Variants in SIDT1 observed in about 807,000 individuals in gnomAD.
SIDT1 encodes SID1 transmembrane family member 1, also known as SID1 transmembrane family, member 1.
Under a neutral mutation model 107.5 loss-of-function variants are expected in SIDT1, and 101 were observed. The ratio of observed to expected loss-of-function variants is 0.94; its 90% CI spans 0.80 to 1.11. The LOEUF is 1.11. SIDT1 is among the 50% of genes least tolerant of loss of function. The pLI is 0.00. For missense variants in SIDT1, 1,076 were observed against 1,058.2 expected (o/e 1.02, Z -0.23); for synonymous variants, 395 against 398.2 (o/e 0.99, Z 0.10).
At chr3:113,591,926 T>C (rs957229071) in intron 9 of SIDT1, among the ~76,000 whole-genome samples, 6 of 152,216 alleles carry the variant, frequency 3.9e-5, no homozygotes, top group Non-Finnish European at 7.3e-5. Context: ...CAATGAAATG[T>C]GGTCTATCCG....
the SIDT1 span, among the ~76,000 whole-genome samples, chr3:113,634,702 G>A: frequency 0.011 from 1,705 of 152,184 alleles, 26 homozygotes; most frequent in African/African-American, 0.038. Flanking sequence ...TACTAGGGAG[G>A]CTGAGGCAGG....
At chr3:113,545,810 A>G (rs1174021396) in intron 1 of SIDT1, among the ~76,000 whole-genome samples, 2 of 152,136 alleles carry the variant, frequency 1.3e-5, no homozygotes, top group African/African-American at 4.8e-5. Flanking sequence ...TAAGGCAAGG[A>G]CTCCTGAGTG....
At chr3:113,635,266 C>T in the SIDT1 span, among the ~76,000 whole-genome samples, 2 of 152,190 alleles carry the variant, frequency 1.3e-5, no homozygotes, top group African/African-American at 4.8e-5. Flanking sequence ...GAGGCCAAGG[C>T]AGGAGGACCA....
At chr3:113,592,954 A>T (rs778323156) in intron 9 of SIDT1, 51 bp from the exon 10 acceptor site, 2 of 1,395,616 alleles carry the variant, frequency 1.4e-6, no homozygotes, top group Non-Finnish European at 2.0e-6. Context: ...ACAAATGTAA[A>T]ATGCTGAGGT....
intron 1 of SIDT1, among the ~76,000 whole-genome samples, chr3:113,565,666 G>A (rs537358494): frequency 6.6e-6 from 1 of 152,180 alleles, no homozygotes; most frequent in Non-Finnish European, 1.5e-5. Context: ...AAGACCCATA[G>A]TGTTACTGAT....
intron 1 of SIDT1, among the ~76,000 whole-genome samples, chr3:113,536,513 A>AT (rs1409917063): frequency 1.3e-5 from 2 of 152,120 alleles, no homozygotes; most frequent in Admixed American, 1.3e-4. Flanking sequence ...GCTTGACATT[A>AT]TTTTTCCTGT....
intron 4 of SIDT1, 120 bp from the exon 5 acceptor site, chr3:113,580,488 C>A: frequency 1.5e-6 from 1 of 668,992 alleles, no homozygotes; most frequent in South Asian, 1.7e-5. Flanking sequence ...AGATGAAGAG[C>A]TGACTGAATT....
chr3:113,536,126 G>C (rs905252150), intron 1 of SIDT1, among the ~76,000 whole-genome samples: 1 of 152,158 alleles, frequency 6.6e-6, no homozygotes, highest in East Asian at 1.9e-4. Context: ...AGATAGCGAC[G>C]CTCTCTTTCA....
chr3:113,608,573 C>T (rs771334562), intron 17 of SIDT1, 37 bp downstream of exon 17: 24 of 1,432,742 alleles, frequency 1.7e-5, no homozygotes, highest in Non-Finnish European at 2.4e-5. Flanking sequence ...AGATTTGAAT[C>T]GTCAGTCTTA....
At chr3:113,604,830 A>G in intron 13 of SIDT1, 80 bp from the exon 14 acceptor site, 1 of 1,502,944 alleles carries the variant, frequency 6.7e-7, no homozygotes, top group Non-Finnish European at 9.2e-7. Flanking sequence ...ATGGGGTGGA[A>G]GCATTCTTTT....
At chr3:113,594,190 T>C (rs2107610883) in intron 10 of SIDT1, among the ~76,000 whole-genome samples, 1 of 152,352 alleles carries the variant, frequency 6.6e-6, no homozygotes, top group East Asian at 1.9e-4. Flanking sequence ...GTTTGCTTTT[T>C]TCTTTTTAAT....
chr3:113,572,932 T>C (rs953742160), intron 3 of SIDT1, among the ~76,000 whole-genome samples: 2 of 152,184 alleles, frequency 1.3e-5, no homozygotes, highest in Admixed American at 1.3e-4. Flanking sequence ...ACCATTTTGC[T>C]ATGTGTCATA....
At chr3:113,610,874 A>G in intron 17 of SIDT1, 134 bp from the exon 18 acceptor site, 1 of 1,106,204 alleles carries the variant, frequency 9.0e-7, no homozygotes, top group Non-Finnish European at 1.3e-6. Context: ...AGAGGTCTCC[A>G]CACAGCCTGC....
At chr3:113,578,316 A>T (rs1189403101) in intron 4 of SIDT1, among the ~76,000 whole-genome samples, 1 of 151,810 alleles carries the variant, frequency 6.6e-6, no homozygotes, top group Non-Finnish European at 1.5e-5. Flanking sequence ...AAATACAAAA[A>T]ATTACCCGGG....
At chr3:113,566,166 T>TTC (rs2107347527) in intron 1 of SIDT1, among the ~76,000 whole-genome samples, 1 of 152,256 alleles carries the variant, frequency 6.6e-6, no homozygotes, top group South Asian at 2.1e-4. Context: ...TTTTAAAAAA[T>TTC]TCTCCCCACG....
intron 9 of SIDT1, among the ~76,000 whole-genome samples, chr3:113,588,128 C>T (rs1268745491): frequency 2.0e-5 from 3 of 152,172 alleles, no homozygotes; most frequent in East Asian, 1.9e-4. Context: ...GGTTATCAAT[C>T]GCTCTAAAGT....
chr3:113,580,358 C>G (rs1192765070), intron 4 of SIDT1, among the ~76,000 whole-genome samples: 2 of 152,128 alleles, frequency 1.3e-5, no homozygotes, highest in Non-Finnish European at 2.9e-5. Flanking sequence ...ATGACTATTT[C>G]TTTTACCCTA....
In SIDT1 at chr3:113,532,711, G is replaced by A. The variant is rs903467969; in HGVS notation, c.-311G>A. ...CGGTCTAAATTCTGGCTGGGTAAGT[G>A]GGGGGATTCTCGGCGATGAGAAACG... On this transcript the variant is annotated 5_prime_UTR_variant, in exon 1 of 25. Coordinates refer to ENST00000264852, the MANE Select transcript of SIDT1 (RefSeq NM_017699.3). 6.3e-6 allele frequency: 2 copies of A among 317,108 alleles called. No individual in the cohort carries two copies. Among genetic ancestry groups the A allele is most frequent in the Non-Finnish European group, 1.1e-5 (2 of 174,504 alleles). The allele number at this position is 317,108 out of a possible 1,614,324, so 19.6% of individuals were successfully genotyped here. A position where few individuals can be genotyped will look rare whatever the true frequency, so the allele number is the denominator to read the frequency against.
At chr3:113,578,395 A>T (rs931040589) in intron 4 of SIDT1, among the ~76,000 whole-genome samples, 1 of 149,348 alleles carries the variant, frequency 6.7e-6, no homozygotes, top group Non-Finnish European at 1.5e-5. Context: ...TGAACCCGGG[A>T]GGCGGAGCTT....
Sources: gnomAD v4.1 joint callset for allele counts (sites outside exome capture counted in the v4.1 genomes callset) on GRCh38, gnomAD v4.1.1 for gene constraint, MANE v1.5 for transcripts, NCBI Gene and HGNC (gene_info 2026-07-23, HGNC 2026-07-21) for gene names.